The following PAX7 variants were observed in gnomAD, a reference collection of about 807,000 sequenced individuals.
PAX7 encodes paired box protein Pax-7.
Under a neutral mutation model 50.7 loss-of-function variants are expected in PAX7, and 18 were observed. That is an observed-to-expected ratio of 0.36 (90% CI 0.25 to 0.53). The LOEUF (loss-of-function observed/expected upper bound fraction) is 0.53, where lower values mean the gene tolerates loss of function less well. Among genes scored for constraint, PAX7 ranks in the 20% least tolerant of loss-of-function variants. The pLI is 0.93. For missense variants in PAX7, 644 were observed against 702.9 expected (o/e 0.92, Z 0.95); for synonymous variants, 310 against 290.4 (o/e 1.07, Z -0.69).
chr1:18,719,250 G>A (rs2089465089), intron 7 of PAX7, among the ~76,000 whole-genome samples: 1 of 152,186 alleles, frequency 6.6e-6, no homozygotes, highest in African/African-American at 2.4e-5. Context: ...CTTTGACACA[G>A]AGCCCTGGGA....
intron 4 of PAX7, 91 bp from the exon 5 acceptor site, chr1:18,691,663 C>A: frequency 8.8e-7 from 1 of 1,131,544 alleles, no homozygotes; most frequent in Non-Finnish European, 1.3e-6. Context: ...CCTAGGTGGG[C>A]ACGAGTGTGC....
At chr1:18,656,653 G>A (rs920225043) in intron 4 of PAX7, among the ~76,000 whole-genome samples, 1 of 151,926 alleles carries the variant, frequency 6.6e-6, no homozygotes, top group Non-Finnish European at 1.5e-5. Flanking sequence ...CTGAGTTTTA[G>A]TTTCCCAAAG....
At chr1:18,731,641 G>T (rs183492874) in intron 7 of PAX7, among the ~76,000 whole-genome samples, 77 of 152,228 alleles carry the variant, frequency 5.1e-4, no homozygotes, top group Admixed American at 4.8e-3. Context: ...CATTAGCTTA[G>T]ACGCTGCCCT....
chr1:18,648,958 G>A lies in PAX7; in HGVS notation c.586+12587G>A, dbSNP rs377537535. Among the ~76,000 whole-genome samples, 9 of 152,320 alleles carry A rather than the reference G, an allele frequency of 5.9e-5. No homozygotes were observed. The East Asian group carries it at 1.5e-3, about 26-fold the overall frequency. Reference sequence around the variant, plus strand: ...TGCCCCAGCTGGAGGTGGAAGAGGAGGAAAGCAGCCCATTCCCAGACTCCC... The same window carrying A: ...TGCCCCAGCTGGAGGTGGAAGAGGAAGAAAGCAGCCCATTCCCAGACTCCC... On this transcript the variant is annotated intron_variant, in intron 4 of 8. Coordinates refer to ENST00000420770, the MANE Select transcript of PAX7 (RefSeq NM_001135254.2).
At chr1:18,731,296 G>A (rs948163417) in intron 7 of PAX7, among the ~76,000 whole-genome samples, 2 of 152,210 alleles carry the variant, frequency 1.3e-5, no homozygotes, top group Non-Finnish European at 1.5e-5. Context: ...GGAAGCCAGA[G>A]GCCAGCGAGG....
At chr1:18,672,604 T>TTG (rs1278757005) in intron 4 of PAX7, among the ~76,000 whole-genome samples, 5 of 147,468 alleles carry the variant, frequency 3.4e-5, no homozygotes, top group Non-Finnish European at 5.9e-5. Flanking sequence ...GTGTTTTTTT[T>TTG]TTTTTTTTTT....
intron 7 of PAX7, among the ~76,000 whole-genome samples, chr1:18,714,068 G>A (rs959546314): frequency 4.6e-5 from 7 of 152,044 alleles, no homozygotes; most frequent in East Asian, 3.9e-4. Flanking sequence ...AAAATTAGCC[G>A]GGCATGGTGG....
chr1:18,688,253 G>A (rs1279443343), intron 4 of PAX7, among the ~76,000 whole-genome samples: 2 of 152,110 alleles, frequency 1.3e-5, no homozygotes, highest in Admixed American at 6.5e-5. Context: ...ACCATAAATA[G>A]CATAAAAACA....
chr1:18,650,474 G>A (rs746759276), intron 4 of PAX7, among the ~76,000 whole-genome samples: 4 of 152,224 alleles, frequency 2.6e-5, no homozygotes, highest in Non-Finnish European at 5.9e-5. Flanking sequence ...ATTCAATGCA[G>A]CCTGTGGGGG....
rs1209069046 is a variant in PAX7 at position 18,735,703 on chromosome 1, G to T, written c.1227G>T (p.Leu409=). ...QPQADFSISP[L]HGGLDSATSI... is the part of the protein sequence containing the mutation. ...AGGCTGACTTCTCCATCTCCCCGCT[G>T]CATGGCGGCCTGGACTCGGCCACCT... is the stretch of plus-strand genomic sequence containing the variant. The change falls in exon 8 of 9, where the codon CTG becomes CTT. Residue 409 remains leucine, a synonymous_variant. Coordinates refer to ENST00000420770, the MANE Select transcript of PAX7 (RefSeq NM_001135254.2). This position sits in a 1 kb window ranked among gnomAD's most constrained non-coding sequence, Gnocchi z 4.0. The T allele has an allele frequency of 6.2e-7, 1 of 1,614,122 alleles. No individual in the cohort carries two copies.
chr1:18,703,063 T>G, intron 6 of PAX7, 31 bp from the exon 7 acceptor site: 1 of 1,595,350 alleles, frequency 6.3e-7, no homozygotes, highest in Non-Finnish European at 8.6e-7. Flanking sequence ...TGAGGCCACT[T>G]GCTTAGGACC....
At chr1:18,631,766 G>A (rs1192706341) in intron 1 of PAX7, 78 bp downstream of exon 1, 1 of 1,241,178 alleles carries the variant, frequency 8.1e-7, no homozygotes, top group Admixed American at 2.0e-5. Flanking sequence ...CGGTCTCCAG[G>A]GGACGGTGGC....
At chr1:18,638,997 A>C (rs529809184) in intron 4 of PAX7, among the ~76,000 whole-genome samples, 2 of 152,330 alleles carry the variant, frequency 1.3e-5, no homozygotes, top group South Asian at 4.1e-4. Flanking sequence ...CTTGCTCTTG[A>C]AAAATGCTTT....
At chr1:18,721,688 G>A (rs1479441678) in intron 7 of PAX7, among the ~76,000 whole-genome samples, 2 of 152,238 alleles carry the variant, frequency 1.3e-5, no homozygotes, top group Admixed American at 6.5e-5. Context: ...GCCACTCATG[G>A]TGGTGGATGT....
intron 5 of PAX7, among the ~76,000 whole-genome samples, chr1:18,694,498 A>G (rs931735834): frequency 2.7e-5 from 4 of 148,034 alleles, no homozygotes; most frequent in African/African-American, 9.9e-5. Flanking sequence ...ATAAATAAAT[A>G]AATAAATAAA....
chr1:18,638,067 T>A (rs1396134900), intron 4 of PAX7, among the ~76,000 whole-genome samples: 1 of 152,246 alleles, frequency 6.6e-6, no homozygotes, highest in Admixed American at 6.5e-5. Flanking sequence ...ACTCGAATAA[T>A]CTTTCCTGGA....
Position 18,631,312 on chromosome 1 carries a change from C to A in PAX7, c.-292C>A. 3.0e-6 allele frequency: 1 copy of A among 328,806 alleles called. No individual in the cohort carries two copies. The highest frequency in any genetic ancestry group is 4.6e-5 in the East Asian group (1 of 21,584). The allele number at this position is 328,806 out of a possible 1,614,324, so 20.4% of individuals were successfully genotyped here. ...CGCACAACTTCTGGCCGAGGCCAGC[C>A]GGCAGAGGCGGACTTGGGGTTGGAG... On this transcript the variant is annotated 5_prime_UTR_variant, in exon 1 of 9. Transcript: ENST00000420770.
chr1:18,688,314 C>T (rs921605517), intron 4 of PAX7, among the ~76,000 whole-genome samples: 1 of 152,156 alleles, frequency 6.6e-6, no homozygotes, highest in Non-Finnish European at 1.5e-5. Context: ...AAGTTGTGAG[C>T]GTGGGGCCTG....
Position 18,748,313 on chromosome 1 carries a change from C to T in PAX7, c.*3384C>T. 4.4e-6 allele frequency: 1 copy of T among 228,024 alleles called. No individual in the cohort carries two copies. Among genetic ancestry groups the T allele is most frequent in the African/African-American group, 2.2e-5 (1 of 45,122 alleles). The allele number at this position is 228,024 out of a possible 1,614,324, so 14.1% of individuals were successfully genotyped here. A position where few individuals can be genotyped will look rare whatever the true frequency, so the allele number is the denominator to read the frequency against. On this transcript the variant is annotated 3_prime_UTR_variant, in exon 9 of 9. Coordinates refer to ENST00000420770, the MANE Select transcript of PAX7 (RefSeq NM_001135254.2). ...GCCTCAGTGACACTCCATCACCCAA[C>T]TAAAAAGATGTTCTCTGGGACCTCT...
Sources: gnomAD v4.1 joint callset for allele counts (sites outside exome capture counted in the v4.1 genomes callset) on GRCh38, gnomAD v4.1.1 for gene constraint, Gnocchi (gnomAD v3.1) non-coding constraint, MANE v1.5 for transcripts, NCBI Gene and HGNC (gene_info 2026-07-23, HGNC 2026-07-21) for gene names.